CAPN8: variants seen among roughly 807,000 people sequenced by gnomAD.
The protein encoded by CAPN8 is calpain-8.
In CAPN8, 87 loss-of-function variants were observed where a neutral mutation model predicts 80.9. That is an observed-to-expected ratio of 1.07 (90% CI 0.90 to 1.28). The LOEUF is 1.28. Ranked by LOEUF, CAPN8 falls within the 50% of genes most tolerant of loss-of-function variation. The probability of loss-of-function intolerance (pLI) is 0.00; values close to 1 mark genes in which losing one functional copy is unlikely to be tolerated. For missense variants in CAPN8, 757 were observed against 702.0 expected (o/e 1.08, Z -0.89); for synonymous variants, 299 against 273.8 (o/e 1.09, Z -0.91).
chr1:223,621,423 C>T (rs1428211899), intron 7 of CAPN8, among the ~76,000 whole-genome samples: 5 of 152,006 alleles, frequency 3.3e-5, no homozygotes, highest in Admixed American at 6.5e-5. Context: ...TGCCAGGGAG[C>T]GGGTGCTCAG....
intron 19 of CAPN8, 144 bp downstream of exon 19, chr1:223,543,923 G>A (rs985870353): frequency 3.3e-6 from 2 of 612,150 alleles, no homozygotes; most frequent in Admixed American, 5.2e-5. Context: ...CCCCCAAGGT[G>A]CCAGCATTCC....
intron 2 of CAPN8, among the ~76,000 whole-genome samples, chr1:223,646,852 GGTGTTAAA>G (rs2102730108): frequency 6.6e-6 from 1 of 152,230 alleles, no homozygotes; most frequent in South Asian, 2.1e-4. Flanking sequence ...GTCTGTGAAA[GGTGTTAAA>G]ATAATTATCG....
chr1:223,544,988 T>C, intron 17 of CAPN8, 138 bp from the exon 18 acceptor site: 1 of 1,478,424 alleles, frequency 6.8e-7, no homozygotes, highest in Non-Finnish European at 9.0e-7. Context: ...CCCAAGAAGG[T>C]TTCAGAGCAA....
chr1:223,545,401 C>G lies in CAPN8; in HGVS notation c.1765-102G>C, dbSNP rs1397840949. On this transcript the variant is annotated intron_variant, in intron 16 of 20. Coordinates refer to ENST00000366872, the MANE Select transcript of CAPN8 (RefSeq NM_001143962.2). ...ATGAGTGCCTTAAGGCCTTAGTGAA[C>G]CTTCCATGTCTGTGGCAAGCAGAGC... is the stretch of plus-strand genomic sequence containing the variant. The G allele has an allele frequency of 2.0e-6, 3 of 1,514,932 alleles. No homozygotes were observed. The African/African-American group carries it at 4.1e-5, about 21-fold the overall frequency. 93.8% of individuals were successfully genotyped at this position (1,514,932 alleles called of 1,614,324 possible).
At position 223,541,776 on chromosome 1, in the gene CAPN8, A is replaced by C; in HGVS notation, c.*60T>G. ...CATAAATGTTCACAAAATTGTAGAGAAGGGGTGACAAGAAGCAAGCAGTGG... is the reference window on the plus strand; with the variant it reads ...CATAAATGTTCACAAAATTGTAGAGCAGGGGTGACAAGAAGCAAGCAGTGG... On this transcript the variant is annotated 3_prime_UTR_variant, in exon 21 of 21. Coordinates refer to ENST00000366872, the MANE Select transcript of CAPN8 (RefSeq NM_001143962.2). 6.4e-7 allele frequency: 1 copy of C among 1,551,268 alleles called. No individual in the cohort carries two copies. The highest frequency in any genetic ancestry group is 8.7e-7 in the Non-Finnish European group (1 of 1,146,824).
chr1:223,548,934 G>A (rs1044257281), intron 16 of CAPN8, among the ~76,000 whole-genome samples: 4 of 150,916 alleles, frequency 2.7e-5, no homozygotes, highest in African/African-American at 7.3e-5. Flanking sequence ...AGCAGGGAAC[G>A]GTAGAGGGTG....
chr1:223,557,320 G>A (rs36197626), intron 13 of CAPN8, among the ~76,000 whole-genome samples: 93,137 of 127,556 alleles, frequency 0.73, 30,090 homozygotes, highest in Non-Finnish European at 0.77. Flanking sequence ...CCATTCAGCC[G>A]AAGATGCCAC....
intron 2 of CAPN8, among the ~76,000 whole-genome samples, chr1:223,646,229 A>G (rs1658188174): frequency 6.6e-6 from 1 of 152,250 alleles, no homozygotes; most frequent in Non-Finnish European, 1.5e-5. Flanking sequence ...CCTCAGGTTC[A>G]TGGCCTCTTA....
rs372891276 is a variant in CAPN8, at chr1:223,665,609, G to A, written c.38C>T (p.Ala13Val). The part of the protein sequence containing the change: ...AQAAGVSRQR[A>V]ATQGLGSNQN... ...GTTGGAGCCAAGACCTTGAGTGGCT[G>A]CCCGCTGCCTAGATACACCAGCTGC... The change falls in exon 1 of 21, where the codon GCA (alanine) becomes GTA (valine). Residue 13 changes from alanine (A) to valine (V), a missense_variant. Transcript: ENST00000366872. 241 of 1,551,636 alleles carry A rather than the reference G, an allele frequency of 1.6e-4. No homozygotes were observed. The Middle Eastern group carries it at 2.0e-3, about 13-fold the overall frequency.
intron 2 of CAPN8, among the ~76,000 whole-genome samples, chr1:223,629,504 A>G (rs996860384): frequency 6.6e-6 from 1 of 152,184 alleles, no homozygotes; most frequent in Non-Finnish European, 1.5e-5. Context: ...CTTTCTGTGC[A>G]AGTTGGGACC....
intron 6 of CAPN8, 90 bp from the exon 7 acceptor site, chr1:223,622,990 T>A: frequency 1.9e-6 from 2 of 1,055,966 alleles, no homozygotes; most frequent in Non-Finnish European, 2.8e-6. Context: ...CTGCATTAAA[T>A]TTTTCAAATG....
chr1:223,620,265 C>T lies in CAPN8; in HGVS notation c.901G>A (p.Ala301Thr). Residue 301 changes from alanine to threonine, a missense_variant and splice_region_variant, in exon 8 of 21, where the codon GCA becomes ACA. Transcript: ENST00000366872. Reference sequence around the variant, plus strand: ...GGGTCTATGTGATTCCACTCTGGTGCACTGAGGGGAAAACAAGCAGAGATG... The same window carrying T: ...GGGTCTATGTGATTCCACTCTGGTGTACTGAGGGGAAAACAAGCAGAGATG... ...VEWSGAWSDD[A>T]PEWNHIDPRR... 6.4e-7 allele frequency: 1 copy of T among 1,551,364 alleles called. No individual in the cohort carries two copies. The highest frequency in any genetic ancestry group is 8.7e-7 in the Non-Finnish European group (1 of 1,146,732).
In CAPN8 at chr1:223,613,725, A is replaced by T. The variant is rs971937515; in HGVS notation, c.1312-1468T>A. 2.0e-5 allele frequency among the ~76,000 whole-genome samples: 3 copies of T among 152,208 alleles called. No individual in the cohort carries two copies. The East Asian group carries it at 5.8e-4, about 29-fold the overall frequency. On this transcript the variant is annotated intron_variant, in intron 10 of 20. Coordinates refer to ENST00000366872, the MANE Select transcript of CAPN8 (RefSeq NM_001143962.2). The stretch of plus-strand genomic sequence containing the variant: ...GGAGGGCTCTTTAGTCTTTGGAGGC[A>T]CCTGGCTGCTTCTCAGTCAGCAGCA...
At chr1:223,549,788 T>C (rs1475630402) in intron 15 of CAPN8, among the ~76,000 whole-genome samples, 1 of 152,260 alleles carries the variant, frequency 6.6e-6, no homozygotes, top group South Asian at 2.1e-4. Flanking sequence ...AGGCTTGATA[T>C]ATGATAAGTT....
In CAPN8 at chr1:223,619,363, T is replaced by C; in HGVS notation, c.1065A>G (p.Lys355=). 1.3e-6 allele frequency: 2 copies of C among 1,551,588 alleles called. No individual in the cohort carries two copies. Among genetic ancestry groups the C allele is most frequent in the Non-Finnish European group, 8.7e-7 (1 of 1,146,962 alleles). ...GGCCGTTGAACAGGACCAGGTTCCA[T>C]TTGTGCACCTCCTCGCTACTCAGAG... ...PDSLSSEEVH[K]WNLVLFNGHW... Residue 355 remains lysine, a synonymous_variant, in exon 9 of 21, where the codon AAA becomes AAG. Coordinates refer to ENST00000366872, the MANE Select transcript of CAPN8 (RefSeq NM_001143962.2).
At chr1:223,619,570 T>C in intron 8 of CAPN8, 117 bp from the exon 9 acceptor site, 5 of 1,030,806 alleles carry the variant, frequency 4.9e-6, no homozygotes, top group Non-Finnish European at 7.0e-6. Context: ...GTGGGCTAGC[T>C]TGATCTTTCC....
At chr1:223,553,099 A>C (rs1263550461) in intron 14 of CAPN8, among the ~76,000 whole-genome samples, 2 of 118,940 alleles carry the variant, frequency 1.7e-5, no homozygotes, top group African/African-American at 7.5e-5. Flanking sequence ...GGGGGAGACC[A>C]TTGTTTTTTC....
At chr1:223,652,493 C>T (rs1658369002) in intron 2 of CAPN8, among the ~76,000 whole-genome samples, 1 of 152,292 alleles carries the variant, frequency 6.6e-6, no homozygotes, top group Middle Eastern at 3.4e-3. Context: ...GTGCTGCTCC[C>T]TTGTTCTTTG....
At position 223,665,692 on chromosome 1, in the gene CAPN8, A is replaced by G. The variant is rs1658770484; in HGVS notation, c.-46T>C. 7.0e-7 allele frequency: 1 copy of G among 1,438,548 alleles called. No individual in the cohort carries two copies. The highest frequency in any genetic ancestry group is 1.2e-5 in the South Asian group (1 of 81,320). The allele number at this position is 1,438,548 out of a possible 1,614,324, so 89.1% of individuals were successfully genotyped here. A position where few individuals can be genotyped will look rare whatever the true frequency, so the allele number is the denominator to read the frequency against. On this transcript the variant is annotated 5_prime_UTR_variant, in exon 1 of 21. Transcript: ENST00000366872. ...GGACAGAAGGGCAGGGCTGCACTGT[A>G]CTCTCAGACACCTGCTCCACTGGGA...
Sources: gnomAD v4.1 joint callset for allele counts (sites outside exome capture counted in the v4.1 genomes callset) on GRCh38, gnomAD v4.1.1 for gene constraint, MANE v1.5 for transcripts, NCBI Gene and HGNC (gene_info 2026-07-23, HGNC 2026-07-21) for gene names.